The following ATP8A2 variants were observed in gnomAD, a reference collection of about 807,000 sequenced individuals.
The protein encoded by ATP8A2 is ATPase phospholipid transporting 8A2, also known as phospholipid-transporting ATPase IB.
A neutral mutation model predicts 165.6 loss-of-function variants in ATP8A2; 100 were observed. That is an observed-to-expected ratio of 0.60 (90% CI 0.51 to 0.71). The LOEUF (loss-of-function observed/expected upper bound fraction) is 0.71. ATP8A2 is among the 30% of genes least tolerant of loss of function. The pLI, the probability that ATP8A2 is intolerant of heterozygous loss-of-function variation, is 0.00. For missense variants in ATP8A2, 1,227 were observed against 1,479.5 expected, an observed-to-expected ratio of 0.83 and a Z score of 2.80; for synonymous variants, 543 against 548.8, an observed-to-expected ratio of 0.99 and a Z score of 0.15.
intron 24 of ATP8A2, among the ~76,000 whole-genome samples, chr13:25,679,131 A>G: frequency 6.6e-6 from 1 of 152,224 alleles, no homozygotes; most frequent in Non-Finnish European, 1.5e-5. Flanking sequence ...AATGAAGGCT[A>G]GTAAAAGATA....
intron 33 of ATP8A2, among the ~76,000 whole-genome samples, chr13:25,952,386 T>TC (rs915452598): frequency 7.3e-6 from 1 of 136,938 alleles, no homozygotes; most frequent in African/African-American, 2.9e-5. Context: ...TTTTTCTTCT[T>TC]TTTTTTTTTG....
At chr13:25,925,248 TG>T (rs1274718694) in intron 33 of ATP8A2, among the ~76,000 whole-genome samples, 1 of 152,078 alleles carries the variant, frequency 6.6e-6, no homozygotes, top group East Asian at 1.9e-4. Flanking sequence ...AATTATTAGG[TG>T]GGGGCAGGGC....
intron 1 of ATP8A2, among the ~76,000 whole-genome samples, chr13:25,384,596 T>G (rs1000396146): frequency 2.0e-5 from 3 of 152,244 alleles, no homozygotes; most frequent in African/African-American, 7.2e-5. Flanking sequence ...TTTTTATCCT[T>G]TCCAGTTCAT....
intron 33 of ATP8A2, among the ~76,000 whole-genome samples, chr13:25,882,085 G>A (rs982929253): frequency 3.3e-5 from 5 of 152,166 alleles, no homozygotes; most frequent in Non-Finnish European, 5.9e-5. Context: ...GTAAATAAAC[G>A]CTGGCAGCTG....
intron 1 of ATP8A2, among the ~76,000 whole-genome samples, chr13:25,382,573 G>A (rs1201914363): frequency 6.6e-6 from 1 of 152,124 alleles, no homozygotes; most frequent in Admixed American, 6.5e-5. Flanking sequence ...AGTTCCTATT[G>A]CTCCATATCC....
intron 35 of ATP8A2, among the ~76,000 whole-genome samples, chr13:25,996,767 T>A (rs2139307955): frequency 6.6e-6 from 1 of 152,324 alleles, no homozygotes; most frequent in East Asian, 1.9e-4. Flanking sequence ...CACCGCAACC[T>A]CTACCTCCTG....
At chr13:25,657,607 G>A (rs1283530458) in intron 24 of ATP8A2, among the ~76,000 whole-genome samples, 1 of 152,206 alleles carries the variant, frequency 6.6e-6, no homozygotes. Flanking sequence ...TGGATTAGAT[G>A]CTGGCTGCAA....
chr13:25,942,257 A>T (rs1955090933), intron 33 of ATP8A2, among the ~76,000 whole-genome samples: 1 of 152,184 alleles, frequency 6.6e-6, no homozygotes, highest in South Asian at 2.1e-4. Context: ...TGCCATAGTG[A>T]ACACTCCTGA....
chr13:25,736,953 G>GT (rs1383992022), intron 25 of ATP8A2, among the ~76,000 whole-genome samples: 2 of 152,170 alleles, frequency 1.3e-5, no homozygotes, highest in Admixed American at 1.3e-4. Context: ...AGTTTTCAGT[G>GT]TTAGGGAGGG....
chr13:25,654,661 G>A (rs918421030), intron 24 of ATP8A2, among the ~76,000 whole-genome samples: 1 of 152,146 alleles, frequency 6.6e-6, no homozygotes, highest in Non-Finnish European at 1.5e-5. Context: ...TCCTGCTAGT[G>A]GGAGAGTTCT....
chr13:25,466,590 T>C (rs1479105655), intron 1 of ATP8A2, among the ~76,000 whole-genome samples: 1 of 152,252 alleles, frequency 6.6e-6, no homozygotes, highest in Non-Finnish European at 1.5e-5. Context: ...TTTTGTGTTC[T>C]CAGCGGCATC....
intron 35 of ATP8A2, among the ~76,000 whole-genome samples, chr13:25,980,311 C>T (rs1956149411): frequency 6.6e-6 from 1 of 152,174 alleles, no homozygotes. Context: ...GAGGCCTTCT[C>T]AGTCTCCTTC....
At chr13:25,736,743 G>A (rs142491914) in intron 25 of ATP8A2, among the ~76,000 whole-genome samples, 85 of 152,110 alleles carry the variant, frequency 5.6e-4, no homozygotes, top group African/African-American at 1.9e-3. Context: ...GATTTGACCC[G>A]GGGCAATAGT....
At chr13:25,780,873 T>C (rs542023199) in intron 27 of ATP8A2, among the ~76,000 whole-genome samples, 1 of 152,248 alleles carries the variant, frequency 6.6e-6, no homozygotes, top group Admixed American at 6.5e-5. Flanking sequence ...TGCTATGTGG[T>C]CGGGTTTGCA....
At chr13:25,498,229 A>C (rs1282322606) in intron 2 of ATP8A2, among the ~76,000 whole-genome samples, 1 of 152,184 alleles carries the variant, frequency 6.6e-6, no homozygotes, top group Non-Finnish European at 1.5e-5. Flanking sequence ...TTGTGAGGAA[A>C]ACATCAGTAT....
At chr13:25,471,951 G>A (rs1012185173) in intron 2 of ATP8A2, among the ~76,000 whole-genome samples, 4 of 152,182 alleles carry the variant, frequency 2.6e-5, no homozygotes, top group African/African-American at 7.2e-5. Context: ...TACTGTGAGC[G>A]TAAGTTTCCG....
intron 24 of ATP8A2, among the ~76,000 whole-genome samples, chr13:25,688,269 A>C (rs1179390355): frequency 2.0e-5 from 3 of 151,846 alleles, no homozygotes; most frequent in Non-Finnish European, 4.4e-5. Flanking sequence ...TGTCTCCATG[A>C]CCTTCCCTCC....
chr13:25,959,484 A>G (rs987463562), intron 33 of ATP8A2, among the ~76,000 whole-genome samples: 1 of 152,254 alleles, frequency 6.6e-6, no homozygotes, highest in African/African-American at 2.4e-5. Flanking sequence ...AGACTACAAA[A>G]ATGATGGTAT....
intron 2 of ATP8A2, among the ~76,000 whole-genome samples, chr13:25,496,565 AAAC>A (rs1373063320): frequency 1.3e-5 from 2 of 152,336 alleles, no homozygotes; most frequent in Non-Finnish European, 2.9e-5. Flanking sequence ...TGATGCAAAA[AAAC>A]AAAATACATG....
Sources: allele counts gnomAD v4.1 joint callset (sites outside exome capture counted in the v4.1 genomes callset), GRCh38; gene constraint gnomAD v4.1.1; transcripts MANE v1.5; gene names NCBI Gene and HGNC (gene_info 2026-07-23, HGNC 2026-07-21).